The following FAM117B variants were observed in gnomAD, a reference collection of about 807,000 sequenced individuals.
The protein encoded by FAM117B is protein FAM117B.
A neutral mutation model predicts 52.8 loss-of-function variants in FAM117B; 22 were observed. The observed-to-expected ratio is 0.42, with a 90% CI of 0.30 to 0.59. The LOEUF (loss-of-function observed/expected upper bound fraction) is 0.59, where lower values mean the gene tolerates loss of function less well. Among genes scored for constraint, FAM117B ranks in the 20% least tolerant of loss-of-function variants. The pLI, the probability that FAM117B is intolerant of heterozygous loss-of-function variation, is 0.22. For synonymous variants in FAM117B, 309 were observed against 324.1 expected, an observed-to-expected ratio of 0.95 and a Z score of 0.50; for missense variants, 678 against 802.6, an observed-to-expected ratio of 0.84 and a Z score of 1.88.
intron 2 of FAM117B, among the ~76,000 whole-genome samples, chr2:202,703,438 G>A (rs754045429): frequency 1.3e-5 from 2 of 152,186 alleles, no homozygotes; most frequent in African/African-American, 2.4e-5. Context: ...TTACAGCCTC[G>A]ACCTCCTGGG....
intron 2 of FAM117B, among the ~76,000 whole-genome samples, chr2:202,720,813 T>TA (rs1362460986): frequency 6.6e-6 from 1 of 152,176 alleles, no homozygotes; most frequent in Non-Finnish European, 1.5e-5. Flanking sequence ...GTTTTGTAAT[T>TA]AGCAAGTAAT....
At chr2:202,734,252 G>A (rs1691404085) in intron 4 of FAM117B, among the ~76,000 whole-genome samples, 1 of 152,118 alleles carries the variant, frequency 6.6e-6, no homozygotes, top group Admixed American at 6.6e-5. Flanking sequence ...GCTGGGTGTG[G>A]TGGTACCCGT....
At chr2:202,712,598 G>A (rs1690976374) in intron 2 of FAM117B, among the ~76,000 whole-genome samples, 1 of 151,938 alleles carries the variant, frequency 6.6e-6, no homozygotes, top group Admixed American at 6.6e-5. Context: ...GAGTAACAGT[G>A]GTGAAAGTGG....
chr2:202,694,574 C>A (rs190249202), intron 1 of FAM117B, among the ~76,000 whole-genome samples: 50 of 152,018 alleles, frequency 3.3e-4, no homozygotes, highest in Admixed American at 3.3e-3. Flanking sequence ...TTTATTGCCA[C>A]CATATTATTT....
At chr2:202,699,375 C>T (rs531612478) in intron 2 of FAM117B, among the ~76,000 whole-genome samples, 6 of 131,490 alleles carry the variant, frequency 4.6e-5, no homozygotes, top group East Asian at 2.2e-4. Flanking sequence ...TGCTGTGAGC[C>T]GAGATCGTGC....
chr2:202,663,159 A>G (rs562204558), intron 1 of FAM117B, among the ~76,000 whole-genome samples: 1 of 152,304 alleles, frequency 6.6e-6, no homozygotes, highest in African/African-American at 2.4e-5. Flanking sequence ...GTAGTATTCC[A>G]TTGTGTGGAT....
chr2:202,664,866 T>C (rs781545569), intron 1 of FAM117B, among the ~76,000 whole-genome samples: 2 of 152,222 alleles, frequency 1.3e-5, no homozygotes, highest in African/African-American at 4.8e-5. Context: ...GCCCCAAATA[T>C]AGCAGCTTAA....
At chr2:202,738,929 C>A (rs140824914) in intron 4 of FAM117B, among the ~76,000 whole-genome samples, 73 of 152,324 alleles carry the variant, frequency 4.8e-4, no homozygotes, top group Admixed American at 1.7e-3. Context: ...TGGCTCACGC[C>A]TGTAATCCCA....
At chr2:202,724,510 C>T (rs976187162) in intron 2 of FAM117B, among the ~76,000 whole-genome samples, 1 of 152,178 alleles carries the variant, frequency 6.6e-6, no homozygotes. Context: ...CATATGAAAG[C>T]ACAGTGCCTA....
intron 2 of FAM117B, among the ~76,000 whole-genome samples, chr2:202,699,460 AAAAAG>A (rs1406478535): frequency 6.6e-5 from 10 of 150,542 alleles, no homozygotes; most frequent in African/African-American, 1.5e-4. Context: ...AAAAAAAAAA[AAAAAG>A]AAAGAAAGAA....
intron 1 of FAM117B, among the ~76,000 whole-genome samples, chr2:202,686,632 A>C (rs902848951): frequency 6.6e-6 from 1 of 151,642 alleles, no homozygotes; most frequent in Non-Finnish European, 1.5e-5. Context: ...ACACGGTGAA[A>C]CCCGCCTCTA....
At chr2:202,748,639 C>G (rs938138450) in intron 4 of FAM117B, among the ~76,000 whole-genome samples, 1 of 151,940 alleles carries the variant, frequency 6.6e-6, no homozygotes, top group African/African-American at 2.4e-5. Flanking sequence ...TTAGAAGAGA[C>G]AGATTAAATG....
At chr2:202,681,304 G>T (rs1217474499) in intron 1 of FAM117B, among the ~76,000 whole-genome samples, 1 of 152,120 alleles carries the variant, frequency 6.6e-6, no homozygotes, top group African/African-American at 2.4e-5. Context: ...TGATAGGTTG[G>T]TATGACCATA....
intron 4 of FAM117B, among the ~76,000 whole-genome samples, chr2:202,741,151 G>A (rs965670223): frequency 1.5e-4 from 23 of 151,986 alleles, no homozygotes; most frequent in Admixed American, 7.9e-4. Flanking sequence ...CGCCAGGCGC[G>A]GTGGCTCATG....
chr2:202,704,248 G>A (rs905038793), intron 2 of FAM117B, among the ~76,000 whole-genome samples: 4 of 152,186 alleles, frequency 2.6e-5, no homozygotes, highest in Non-Finnish European at 5.9e-5. Flanking sequence ...CTGGCACCTA[G>A]TAAGCATTCA....
chr2:202,729,796 G>A (rs1691311139), intron 4 of FAM117B, among the ~76,000 whole-genome samples: 1 of 152,176 alleles, frequency 6.6e-6, no homozygotes, highest in Admixed American at 6.5e-5. Context: ...AGGCAGGATA[G>A]AGAGGTAAAT....
At chr2:202,650,362 C>T (rs918650990) in intron 1 of FAM117B, among the ~76,000 whole-genome samples, 4 of 152,066 alleles carry the variant, frequency 2.6e-5, no homozygotes, top group South Asian at 4.1e-4. Context: ...TTAAAATTTT[C>T]TGTATTCATA....
rs747907499 is a variant in FAM117B at position 202,700,685 on chromosome 2, A to ATT, written c.753+4671_753+4672dup. Among the ~76,000 whole-genome samples, 1,075 of 138,094 alleles carry ATT rather than the reference A, an allele frequency of 7.8e-3. 19 individuals are homozygous for ATT. Among genetic ancestry groups the ATT allele is most frequent in the African/African-American group, 0.026 (930 of 36,304 alleles). 90.6% of individuals were successfully genotyped at this position (138,094 alleles called of 152,430 possible). ...TTGAAGATGGCTACACTAAACAAGA[A>ATT]TTTTTTTTTTTTTTTTTTTGAGATG... On this transcript the variant is annotated intron_variant, in intron 2 of 7. Transcript: ENST00000392238.
At chr2:202,744,163 CGTTT>C (rs1691593970) in intron 4 of FAM117B, among the ~76,000 whole-genome samples, 1 of 149,550 alleles carries the variant, frequency 6.7e-6, no homozygotes, top group Admixed American at 6.8e-5. Flanking sequence ...TGTCTTAGTT[CGTTT>C]GTGTTTCTGT....
Sources: allele counts gnomAD v4.1 joint callset (sites outside exome capture counted in the v4.1 genomes callset), GRCh38; gene constraint gnomAD v4.1.1; transcripts MANE v1.5; gene names NCBI Gene and HGNC (gene_info 2026-07-23, HGNC 2026-07-21).